Variants in PCSK2 observed in about 807,000 individuals in gnomAD.
The protein encoded by PCSK2 is neuroendocrine convertase 2.
PCSK2 carries 14 observed loss-of-function variants against 69.7 expected under a neutral mutation model. The ratio of observed to expected loss-of-function variants is 0.20; its 90% CI spans 0.13 to 0.31. The LOEUF (loss-of-function observed/expected upper bound fraction) is 0.31. Among genes scored for constraint, PCSK2 ranks in the 10% least tolerant of loss-of-function variants. The pLI, the probability that PCSK2 is intolerant of heterozygous loss-of-function variation, is 1.00. For synonymous variants in PCSK2, 307 were observed against 320.7 expected, an observed-to-expected ratio of 0.96 and a Z score of 0.46; for missense variants, 544 against 842.5, an observed-to-expected ratio of 0.65 and a Z score of 4.39.
intron 2 of PCSK2, among the ~76,000 whole-genome samples, chr20:17,270,378 C>A (rs1271022489): frequency 6.6e-6 from 1 of 152,036 alleles, no homozygotes; most frequent in African/African-American, 2.4e-5. Flanking sequence ...CCTGCCATTT[C>A]CAGTAATTTC....
chr20:17,422,069 A>C (rs891531853), intron 6 of PCSK2, among the ~76,000 whole-genome samples: 1 of 152,218 alleles, frequency 6.6e-6, no homozygotes, highest in African/African-American at 2.4e-5. Context: ...TGGTGGAAAC[A>C]TAGGCAAAAA....
chr20:17,367,625 A>G (rs762222424), intron 4 of PCSK2, among the ~76,000 whole-genome samples: 35 of 152,192 alleles, frequency 2.3e-4, no homozygotes, highest in Admixed American at 1.2e-3. Flanking sequence ...TTCCTTTTAG[A>G]GACAGGGTCT....
intron 6 of PCSK2, 83 bp downstream of exon 6, chr20:17,409,422 C>T: frequency 5.6e-6 from 5 of 887,744 alleles, no homozygotes; most frequent in Non-Finnish European, 9.4e-6. Flanking sequence ...TTGACTACCA[C>T]CAGCAAAATA....
chr20:17,385,145 T>A (rs548660361), intron 5 of PCSK2, among the ~76,000 whole-genome samples: 4 of 152,268 alleles, frequency 2.6e-5, no homozygotes, highest in African/African-American at 9.6e-5. Flanking sequence ...TGTGACAAAG[T>A]CCATATGGCC....
chr20:17,327,396 A>G (rs1324792031), intron 2 of PCSK2, among the ~76,000 whole-genome samples: 1 of 152,082 alleles, frequency 6.6e-6, no homozygotes, highest in East Asian at 1.9e-4. Flanking sequence ...AAGCAGATGC[A>G]TTTTCCGAGG....
At chr20:17,407,648 C>T (rs1007431866) in intron 5 of PCSK2, among the ~76,000 whole-genome samples, 10 of 152,110 alleles carry the variant, frequency 6.6e-5, no homozygotes, top group Admixed American at 5.9e-4. Context: ...GAGGGTCTCC[C>T]AGGAACACGG....
intron 2 of PCSK2, among the ~76,000 whole-genome samples, chr20:17,327,645 C>G (rs979594612): frequency 2.0e-5 from 3 of 152,244 alleles, no homozygotes; most frequent in Non-Finnish European, 2.9e-5. Context: ...GCACCCTCCA[C>G]GAAGTCACCG....
intron 10 of PCSK2, 53 bp from the exon 11 acceptor site, chr20:17,465,273 C>G (rs747786080): frequency 3.2e-6 from 4 of 1,249,114 alleles, no homozygotes; most frequent in Non-Finnish European, 4.7e-6. Flanking sequence ...CTCTCTCCCT[C>G]TCTCACCCTG....
intron 5 of PCSK2, among the ~76,000 whole-genome samples, chr20:17,385,154 C>A (rs907914555): frequency 2.6e-5 from 4 of 152,120 alleles, no homozygotes; most frequent in African/African-American, 9.7e-5. Flanking sequence ...GTCCATATGG[C>A]CTGCAAAGCC....
chr20:17,338,034 G>A (rs1216302844), intron 2 of PCSK2, among the ~76,000 whole-genome samples: 4 of 151,882 alleles, frequency 2.6e-5, no homozygotes, highest in African/African-American at 7.3e-5. Flanking sequence ...GGCAGGTACT[G>A]GAACTTGGGT....
intron 2 of PCSK2, among the ~76,000 whole-genome samples, chr20:17,300,941 C>T (rs1410053631): frequency 6.6e-6 from 1 of 152,056 alleles, no homozygotes; most frequent in Non-Finnish European, 1.5e-5. Flanking sequence ...TTCCCTTAAC[C>T]TTAATCAATG....
At chr20:17,417,761 C>T (rs1390140180) in intron 6 of PCSK2, among the ~76,000 whole-genome samples, 1 of 152,034 alleles carries the variant, frequency 6.6e-6, no homozygotes, top group Non-Finnish European at 1.5e-5. Flanking sequence ...TGATATTATG[C>T]CTGATGTTTT....
intron 2 of PCSK2, among the ~76,000 whole-genome samples, chr20:17,330,326 GCTCACACCTGTAATCC>G (rs1234906363): frequency 7.9e-4 from 121 of 152,222 alleles, no homozygotes; most frequent in African/African-American, 2.9e-3. Flanking sequence ...GGGCACAGTG[GCTCACACCTGTAATCC>G]CAGCACTTTG....
At chr20:17,365,909 A>T (rs1009427274) in intron 4 of PCSK2, among the ~76,000 whole-genome samples, 4 of 152,196 alleles carry the variant, frequency 2.6e-5, no homozygotes, top group African/African-American at 9.7e-5. Context: ...CACTGGGCAC[A>T]GCTCATGCAG....
At chr20:17,427,358 A>T (rs916095032) in intron 6 of PCSK2, among the ~76,000 whole-genome samples, 3 of 152,124 alleles carry the variant, frequency 2.0e-5, no homozygotes, top group African/African-American at 7.2e-5. Flanking sequence ...TGTGGATGGA[A>T]AAGGTGTGCC....
At chr20:17,282,354 A>G (rs1934887) in intron 2 of PCSK2, among the ~76,000 whole-genome samples, 24,086 of 152,156 alleles carry the variant, frequency 0.16, 2,312 homozygotes, top group Non-Finnish European at 0.22. Context: ...GGGAGAAGAC[A>G]TGGGAAGTGG....
At chr20:17,381,138 C>T (rs1265679932) in intron 5 of PCSK2, among the ~76,000 whole-genome samples, 1 of 152,182 alleles carries the variant, frequency 6.6e-6, no homozygotes, top group African/African-American at 2.4e-5. Context: ...GCTTCTCCAC[C>T]ATGGTAACCC....
At chr20:17,437,164 TC>T (rs2032501787) in intron 8 of PCSK2, among the ~76,000 whole-genome samples, 1 of 151,770 alleles carries the variant, frequency 6.6e-6, no homozygotes, top group Non-Finnish European at 1.5e-5. Flanking sequence ...CAGACAGCAG[TC>T]CCCACGCCAA....
chr20:17,326,883 G>A (rs6044735), intron 2 of PCSK2, among the ~76,000 whole-genome samples: 22,741 of 152,160 alleles, frequency 0.15, 2,366 homozygotes, highest in East Asian at 0.55. Flanking sequence ...TCAATCCGGG[G>A]GAGGCCAGCT....
Sources: gnomAD v4.1 joint callset for allele counts (sites outside exome capture counted in the v4.1 genomes callset) on GRCh38, gnomAD v4.1.1 for gene constraint, MANE v1.5 for transcripts, NCBI Gene and HGNC (gene_info 2026-07-23, HGNC 2026-07-21) for gene names.